NELL1: variants seen among roughly 807,000 people sequenced by gnomAD.
The protein encoded by NELL1 is protein kinase C-binding protein NELL1.
In NELL1, 76 loss-of-function variants were observed where a neutral mutation model predicts 107.4. The observed-to-expected ratio is 0.71, with a 90% CI of 0.59 to 0.86. The LOEUF is 0.86. NELL1 is among the 40% of genes least tolerant of loss of function. The pLI is 0.00. For missense variants in NELL1, 1,024 were observed against 1,005.5 expected, an observed-to-expected ratio of 1.02 and a Z score of -0.25; for synonymous variants, 353 against 341.2, an observed-to-expected ratio of 1.03 and a Z score of -0.38.
intron 3 of NELL1, among the ~76,000 whole-genome samples, chr11:20,807,333 A>G (rs1438012043): frequency 6.6e-6 from 1 of 152,160 alleles, no homozygotes; most frequent in African/African-American, 2.4e-5. Flanking sequence ...GTGGTTTTGG[A>G]TGAGATCTGG....
At chr11:20,994,816 G>T (rs942918354) in intron 12 of NELL1, among the ~76,000 whole-genome samples, 2 of 152,158 alleles carry the variant, frequency 1.3e-5, no homozygotes, top group Non-Finnish European at 2.9e-5. Flanking sequence ...ATATGAAAAT[G>T]AATTTTAATT....
At chr11:20,947,670 A>G (rs1378495380) in intron 11 of NELL1, among the ~76,000 whole-genome samples, 1 of 152,238 alleles carries the variant, frequency 6.6e-6, no homozygotes, top group Non-Finnish European at 1.5e-5. Flanking sequence ...GGGATAATGC[A>G]TAAGCACCTA....
At chr11:20,949,706 T>A (rs1293262286) in intron 11 of NELL1, among the ~76,000 whole-genome samples, 9 of 152,198 alleles carry the variant, frequency 5.9e-5, no homozygotes, top group Admixed American at 5.9e-4. Context: ...CCAATGAAGA[T>A]GCTGAGAGAT....
chr11:20,821,577 G>C (rs1857754452), intron 3 of NELL1, among the ~76,000 whole-genome samples: 2 of 152,200 alleles, frequency 1.3e-5, no homozygotes, highest in South Asian at 4.1e-4. Flanking sequence ...GACTTGTTAT[G>C]ATTATAATAT....
intron 15 of NELL1, among the ~76,000 whole-genome samples, chr11:21,449,594 T>C (rs1853528935): frequency 6.6e-6 from 1 of 152,180 alleles, no homozygotes; most frequent in Non-Finnish European, 1.5e-5. Flanking sequence ...ATAGATTATG[T>C]TTTTGTGTTG....
intron 16 of NELL1, among the ~76,000 whole-genome samples, chr11:21,544,995 A>G (rs1856401276): frequency 6.6e-6 from 1 of 151,846 alleles, no homozygotes; most frequent in African/African-American, 2.4e-5. Context: ...CTTCCAATAT[A>G]TGTCTATTTG....
chr11:21,073,602 A>G (rs1189678605), intron 12 of NELL1, among the ~76,000 whole-genome samples: 1 of 152,186 alleles, frequency 6.6e-6, no homozygotes, highest in African/African-American at 2.4e-5. Flanking sequence ...GTATGTGATC[A>G]AAGACTACTT....
At chr11:21,341,686 T>C (rs1483318655) in intron 14 of NELL1, among the ~76,000 whole-genome samples, 2 of 152,222 alleles carry the variant, frequency 1.3e-5, no homozygotes, top group Non-Finnish European at 2.9e-5. Context: ...AACTGCTTAT[T>C]CACACATCAC....
intron 14 of NELL1, among the ~76,000 whole-genome samples, chr11:21,324,698 G>C (rs1850090010): frequency 6.6e-6 from 1 of 151,998 alleles, no homozygotes; most frequent in African/African-American, 2.4e-5. Context: ...TATTGAACTG[G>C]TACTTCCTTG....
chr11:21,362,561 T>C (rs1013374285), intron 14 of NELL1, among the ~76,000 whole-genome samples: 8 of 152,228 alleles, frequency 5.3e-5, no homozygotes, highest in Non-Finnish European at 1.0e-4. Flanking sequence ...TGTCGTCTTC[T>C]TCTTTCTGAG....
At chr11:20,848,827 A>T (rs1385850797) in intron 4 of NELL1, among the ~76,000 whole-genome samples, 1 of 152,160 alleles carries the variant, frequency 6.6e-6, no homozygotes, top group African/African-American at 2.4e-5. Flanking sequence ...AAGGGCAGGG[A>T]ACTGTTGTCA....
chr11:21,023,832 G>A (rs1404731826), intron 12 of NELL1, among the ~76,000 whole-genome samples: 1 of 152,038 alleles, frequency 6.6e-6, no homozygotes, highest in Non-Finnish European at 1.5e-5. Flanking sequence ...GAAAACAAAT[G>A]CATATGTCTT....
chr11:20,988,602 C>A (rs1234308305), intron 12 of NELL1, among the ~76,000 whole-genome samples: 1 of 149,848 alleles, frequency 6.7e-6, no homozygotes, highest in African/African-American at 2.5e-5. Flanking sequence ...GAGGTTTGTT[C>A]TTTTCTTTTT....
chr11:20,692,022 T>C (rs1854481321), intron 2 of NELL1, among the ~76,000 whole-genome samples: 1 of 152,010 alleles, frequency 6.6e-6, no homozygotes, highest in Admixed American at 6.6e-5. Flanking sequence ...GGAGAGTGTA[T>C]GTGTCGAGGA....
At chr11:21,100,252 A>C (rs1005946897) in intron 12 of NELL1, among the ~76,000 whole-genome samples, 5 of 152,174 alleles carry the variant, frequency 3.3e-5, no homozygotes, top group African/African-American at 1.2e-4. Flanking sequence ...TCCTGAGCTC[A>C]GGCAATCCTC....
intron 12 of NELL1, among the ~76,000 whole-genome samples, chr11:21,100,162 A>G (rs1854768849): frequency 6.6e-6 from 1 of 152,040 alleles, no homozygotes; most frequent in Non-Finnish European, 1.5e-5. Context: ...GATTAGAGAC[A>G]TGCAGCACCA....
At chr11:21,162,815 G>C (rs1239460526) in intron 13 of NELL1, among the ~76,000 whole-genome samples, 1 of 152,062 alleles carries the variant, frequency 6.6e-6, no homozygotes, top group African/African-American at 2.4e-5. Flanking sequence ...TTATGAATTT[G>C]TTCGGTATAC....
intron 16 of NELL1, among the ~76,000 whole-genome samples, chr11:21,546,571 G>A (rs1382885181): frequency 4.0e-5 from 6 of 151,892 alleles, no homozygotes; most frequent in Non-Finnish European, 7.4e-5. Context: ...AAGATCTGAC[G>A]GTTTTATAAA....
chr11:20,689,902 A>G (rs904179796), intron 2 of NELL1, among the ~76,000 whole-genome samples: 4 of 151,120 alleles, frequency 2.6e-5, no homozygotes, highest in African/African-American at 7.3e-5. Context: ...AGTCCCACCA[A>G]CAGTGTAAAA....
Sources: allele counts gnomAD v4.1 joint callset (sites outside exome capture counted in the v4.1 genomes callset), GRCh38; gene constraint gnomAD v4.1.1; transcripts MANE v1.5; gene names NCBI Gene and HGNC (gene_info 2026-07-23, HGNC 2026-07-21).